Variants in PRTG observed in about 807,000 individuals in gnomAD.
PRTG encodes the protein protogenin, also known as immunoglobulin superfamily, DCC subclass, member 5.
A neutral mutation model predicts 122.5 loss-of-function variants in PRTG; 67 were observed. The observed-to-expected ratio is 0.55, with a 90% CI of 0.45 to 0.67. The LOEUF is 0.67. PRTG is among the 30% of genes least tolerant of loss of function. The probability of loss-of-function intolerance (pLI) is 0.00; values close to 1 mark genes in which losing one functional copy is unlikely to be tolerated. For missense variants in PRTG, 1,435 were observed against 1,415.4 expected (o/e 1.01, Z -0.22); for synonymous variants, 554 against 501.1 (o/e 1.11, Z -1.41).
At chr15:55,633,447 T>G (rs638786) in intron 15 of PRTG, among the ~76,000 whole-genome samples, 1 of 152,180 alleles carries the variant, frequency 6.6e-6, no homozygotes, top group African/African-American at 2.4e-5. Context: ...TGTACTACCA[T>G]GTACCATTTT....
Position 55,613,609 on chromosome 15 carries a change from G to A in PRTG, c.*6403C>T, listed in dbSNP as rs2141698475. ...CCTTAATCCCTCCTGTGAATAAGTG[G>A]ATTTAAATAAGGTAGTCTTCTCTTT... On this transcript the variant is annotated 3_prime_UTR_variant, in exon 20 of 20. Transcript: ENST00000389286. 1 of 152,078 alleles carries A rather than the reference G, an allele frequency of 6.6e-6. No homozygotes were observed. Among genetic ancestry groups the A allele is most frequent in the South Asian group, 2.1e-4 (1 of 4,820 alleles). The allele number at this position is 152,078 out of a possible 1,614,324, so 9.4% of individuals were successfully genotyped here.
intron 13 of PRTG, 118 bp from the exon 14 acceptor site, chr15:55,638,794 A>T: frequency 1.2e-6 from 1 of 806,988 alleles, no homozygotes; most frequent in Non-Finnish European, 1.9e-6. Context: ...TCCTTATTTT[A>T]TATGAAAAAA....
chr15:55,712,658 C>T (rs1361191049), intron 2 of PRTG, among the ~76,000 whole-genome samples: 1 of 152,162 alleles, frequency 6.6e-6, no homozygotes, highest in Non-Finnish European at 1.5e-5. Flanking sequence ...GTGCCAAGTA[C>T]AGATATAGCT....
chr15:55,628,900 C>A lies in PRTG; in HGVS notation c.2728G>T (p.Val910Leu), dbSNP rs780836098. 1.9e-6 allele frequency: 3 copies of A among 1,613,944 alleles called. No individual in the cohort carries two copies. The highest frequency in any genetic ancestry group is 1.3e-5 in the African/African-American group (1 of 74,936). ...EVGEGPFSNS[V>L]ELAVLPKETS... ...TCCTTTGGAAGTACTGCCAGCTCCA[C>A]AGAATTTGAAAAGGGTCCTTCTCCC... Residue 910 changes from valine to leucine, a missense_variant, in exon 16 of 20, where the codon GTG becomes TTG. By Grantham distance (32) the Val-to-Leu change is conservative. Transcript: ENST00000389286.
chr15:55,711,099 T>G (rs2030367134), intron 2 of PRTG, among the ~76,000 whole-genome samples: 1 of 151,076 alleles, frequency 6.6e-6, no homozygotes, highest in South Asian at 2.1e-4. Flanking sequence ...TTTTTTTTTT[T>G]TTAGCAGAGA....
intron 8 of PRTG, among the ~76,000 whole-genome samples, chr15:55,676,272 GTTTT>G (rs5812809): frequency 6.8e-6 from 1 of 147,704 alleles, no homozygotes; most frequent in African/African-American, 2.5e-5. Context: ...CCCACAGTGA[GTTTT>G]TTTTTTTAAG....
chr15:55,730,428 T>G (rs184833583), intron 2 of PRTG, among the ~76,000 whole-genome samples: 2 of 152,022 alleles, frequency 1.3e-5, no homozygotes, highest in African/African-American at 4.8e-5. Flanking sequence ...ATATTCTGGA[T>G]TTGATTATAT....
chr15:55,706,014 A>ATTTTTTTTTTT (rs56275705), intron 2 of PRTG, among the ~76,000 whole-genome samples: 10 of 94,360 alleles, frequency 1.1e-4, no homozygotes, highest in Non-Finnish European at 1.4e-4. Flanking sequence ...TGCCCAGCTA[A>ATTTTTTTTTTT]TTTTTTTTTT....
intron 2 of PRTG, among the ~76,000 whole-genome samples, chr15:55,714,494 G>T (rs1246156712): frequency 6.6e-6 from 1 of 151,560 alleles, no homozygotes; most frequent in African/African-American, 2.4e-5. Context: ...GCCTCCCTAA[G>T]TGTTGGGATT....
At position 55,665,505 on chromosome 15, in the gene PRTG, TTG is replaced by T. The variant is rs1183056013; in HGVS notation, c.2041+6938_2041+6939del. ...TACCTGTCAGCTAAAAAGGTTTTTT[TTG>T]TTTTTTTTTTTTTTAATCTTTCAGT... is the stretch of plus-strand genomic sequence containing the variant. On this transcript the variant is annotated intron_variant, in intron 11 of 19. Coordinates refer to ENST00000389286, the MANE Select transcript of PRTG (RefSeq NM_173814.6). 2.0e-4 allele frequency among the ~76,000 whole-genome samples: 25 copies of T among 125,476 alleles called. 1 individual carries two copies. The highest frequency in any genetic ancestry group is 6.3e-4 in the African/African-American group (25 of 39,534). The allele number at this position is 125,476 out of a possible 152,430, so 82.3% of individuals were successfully genotyped here.
chr15:55,668,796 TC>T (rs1794003749), intron 11 of PRTG, among the ~76,000 whole-genome samples: 1 of 152,170 alleles, frequency 6.6e-6, no homozygotes, highest in Non-Finnish European at 1.5e-5. Flanking sequence ...GACACAATAA[TC>T]TTTTTAGCTA....
chr15:55,693,140 C>T (rs1440739571), intron 2 of PRTG, among the ~76,000 whole-genome samples: 3 of 151,956 alleles, frequency 2.0e-5, no homozygotes, highest in Non-Finnish European at 2.9e-5. Flanking sequence ...TGAGCCACCG[C>T]GCCAAGCCAA....
Position 55,614,843 on chromosome 15 carries a change from G to T in PRTG, c.*5169C>A, listed in dbSNP as rs1367489943. ...TTTAATGCTACAGACATTTTACAGG[G>T]ATCAGAATTCCACAGAAAGAATGTA... On this transcript the variant is annotated 3_prime_UTR_variant, in exon 20 of 20. Transcript: ENST00000389286. The T allele has an allele frequency of 6.6e-6, 1 of 152,052 alleles. No homozygotes were observed. The allele number at this position is 152,052 out of a possible 1,614,324, so 9.4% of individuals were successfully genotyped here. A position where few individuals can be genotyped will look rare whatever the true frequency, so the allele number is the denominator to read the frequency against.
Position 55,673,425 on chromosome 15 carries a change from C to G in PRTG, c.1798G>C (p.Gly600Arg). 1.9e-6 allele frequency: 3 copies of G among 1,614,114 alleles called. No homozygotes were observed. The highest frequency in any genetic ancestry group is 2.2e-5 in the South Asian group (2 of 91,078). ...RITAATRVGL[G>R]ESSVWTSHRT... ...TGTGAAGTCCATACTGATGACTCTC[C>G]CAGCCCCACTCTGGTGGCAGCAGTA... Residue 600 changes from glycine (G) to arginine (R), a missense_variant, in exon 10 of 20, where the codon GGA (glycine) becomes CGA (arginine). Physicochemically the swap from Gly to Arg is moderately radical, Grantham distance 125. Transcript: ENST00000389286.
chr15:55,620,298 T>C (rs750915249), intron 19 of PRTG, 32 bp from the exon 20 acceptor site: 40 of 1,606,298 alleles, frequency 2.5e-5, no homozygotes, highest in Non-Finnish European at 3.1e-5. Context: ...GGCAATGAGA[T>C]ACCAGACTGA....
intron 15 of PRTG, among the ~76,000 whole-genome samples, chr15:55,634,063 CTTT>C (rs10711487): frequency 2.2e-4 from 16 of 73,834 alleles, no homozygotes; most frequent in Admixed American, 5.4e-4. Flanking sequence ...ATATACATTG[CTTT>C]TTTTTTTTTT....
intron 2 of PRTG, among the ~76,000 whole-genome samples, chr15:55,735,977 G>GTTA (rs1170104763): frequency 2.0e-5 from 3 of 152,100 alleles, no homozygotes; most frequent in African/African-American, 7.2e-5. Context: ...AATATTGAGA[G>GTTA]CCAATTTTAA....
chr15:55,634,643 C>A (rs537637832), intron 15 of PRTG, among the ~76,000 whole-genome samples: 18 of 151,930 alleles, frequency 1.2e-4, no homozygotes, highest in African/African-American at 4.3e-4. Flanking sequence ...GAGTTCGAGA[C>A]CAGCCTGGGC....
At chr15:55,628,119 A>G (rs1045188215) in intron 16 of PRTG, among the ~76,000 whole-genome samples, 1 of 151,950 alleles carries the variant, frequency 6.6e-6, no homozygotes, top group African/African-American at 2.4e-5. Context: ...TCTTTCTAAC[A>G]CACACACATC....
Sources: allele counts gnomAD v4.1 joint callset (sites outside exome capture counted in the v4.1 genomes callset), GRCh38; gene constraint gnomAD v4.1.1; transcripts MANE v1.5; gene names NCBI Gene and HGNC (gene_info 2026-07-23, HGNC 2026-07-21).